The following JAKMIP2 variants were observed in gnomAD, a reference collection of about 807,000 sequenced individuals.
JAKMIP2 encodes the protein janus kinase and microtubule interacting protein 2, also known as janus kinase and microtubule-interacting protein 2.
A neutral mutation model predicts 115.0 loss-of-function variants in JAKMIP2; 25 were observed. That is an observed-to-expected ratio of 0.22 (90% CI 0.16 to 0.30). The LOEUF is 0.30. JAKMIP2 is among the 10% of genes least tolerant of loss of function. The pLI, the probability that JAKMIP2 is intolerant of heterozygous loss-of-function variation, is 1.00. For missense variants in JAKMIP2, 642 were observed against 957.6 expected (o/e 0.67, Z 4.35); for synonymous variants, 334 against 343.6 (o/e 0.97, Z 0.31).
intron 21 of JAKMIP2, among the ~76,000 whole-genome samples, chr5:147,600,710 C>A (rs1561839785): frequency 6.6e-6 from 1 of 151,966 alleles, no homozygotes; most frequent in Non-Finnish European, 1.5e-5. Flanking sequence ...TCTCTCCCAC[C>A]CTCTCTCTAT....
At chr5:147,619,131 T>C (rs2126648556) in intron 18 of JAKMIP2, among the ~76,000 whole-genome samples, 1 of 152,272 alleles carries the variant, frequency 6.6e-6, no homozygotes, top group Admixed American at 6.5e-5. Flanking sequence ...AAATCTACAA[T>C]CTTATCCCTT....
At chr5:147,702,227 C>A (rs567316221) in intron 1 of JAKMIP2, among the ~76,000 whole-genome samples, 8 of 148,094 alleles carry the variant, frequency 5.4e-5, no homozygotes, top group African/African-American at 2.0e-4. Context: ...AAGGGAAGAA[C>A]CAAAACAGAA....
intron 5 of JAKMIP2, among the ~76,000 whole-genome samples, chr5:147,646,112 T>C (rs1758120654): frequency 6.6e-6 from 1 of 152,232 alleles, no homozygotes; most frequent in Admixed American, 6.5e-5. Flanking sequence ...ACTACTGTTC[T>C]TGAGATTCTA....
chr5:147,742,271 G>C (rs1312137038), intron 1 of JAKMIP2, among the ~76,000 whole-genome samples: 3 of 151,358 alleles, frequency 2.0e-5, no homozygotes, highest in African/African-American at 7.3e-5. Flanking sequence ...AATCCCTGAT[G>C]CTTGTTTATT....
chr5:147,632,896 C>T, intron 12 of JAKMIP2, 118 bp from the exon 13 acceptor site: 1 of 631,852 alleles, frequency 1.6e-6, no homozygotes, highest in Non-Finnish European at 2.8e-6. Flanking sequence ...GAAAAAAAAT[C>T]CCCAAATAGA....
chr5:147,691,894 CCTT>C (rs138385180), intron 1 of JAKMIP2, among the ~76,000 whole-genome samples: 2,192 of 152,224 alleles, frequency 0.014, 61 homozygotes, highest in African/African-American at 0.051. Context: ...GTCTCTGTGT[CCTT>C]CTCTCAAGTC....
chr5:147,656,443 C>A (rs946242042), intron 3 of JAKMIP2, among the ~76,000 whole-genome samples: 1 of 152,082 alleles, frequency 6.6e-6, no homozygotes, highest in South Asian at 2.1e-4. Flanking sequence ...TTATGTAATG[C>A]CCTTCTTTGT....
chr5:147,625,306 G>A (rs1757046884), intron 16 of JAKMIP2, among the ~76,000 whole-genome samples: 1 of 152,096 alleles, frequency 6.6e-6, no homozygotes, highest in African/African-American at 2.4e-5. Flanking sequence ...TAGGTTACCT[G>A]TGATAAATTA....
intron 1 of JAKMIP2, among the ~76,000 whole-genome samples, chr5:147,681,909 G>C (rs1760302782): frequency 1.3e-5 from 2 of 152,022 alleles, no homozygotes. Context: ...CCGGCATAGT[G>C]GCAAATGCCT....
intron 1 of JAKMIP2, among the ~76,000 whole-genome samples, chr5:147,743,353 T>C (rs910741211): frequency 1.3e-5 from 2 of 152,336 alleles, no homozygotes; most frequent in East Asian, 3.9e-4. Context: ...TGATGGTACT[T>C]GAATAGTAGT....
chr5:147,639,829 T>C (rs1757795223), intron 9 of JAKMIP2, 69 bp from the exon 10 acceptor site: 1 of 1,554,094 alleles, frequency 6.4e-7, no homozygotes, highest in Admixed American at 1.9e-5. Context: ...ATGTGAAATA[T>C]TAACATTTGC....
chr5:147,724,624 T>C (rs1753445063), intron 1 of JAKMIP2, among the ~76,000 whole-genome samples: 1 of 152,186 alleles, frequency 6.6e-6, no homozygotes, highest in South Asian at 2.1e-4. Context: ...TTAACCAGGC[T>C]AATAGGAGGC....
intron 1 of JAKMIP2, among the ~76,000 whole-genome samples, chr5:147,764,227 T>C (rs541849232): frequency 6.6e-6 from 1 of 152,182 alleles, no homozygotes; most frequent in South Asian, 2.1e-4. Context: ...AGAAGGAGGA[T>C]TGCAGATATT....
intron 19 of JAKMIP2, among the ~76,000 whole-genome samples, chr5:147,616,568 A>G (rs1052343362): frequency 1.2e-4 from 19 of 152,230 alleles, no homozygotes; most frequent in Admixed American, 4.6e-4. Context: ...CAATTTGTTG[A>G]AAGTAATTAC....
At chr5:147,704,803 G>T (rs1752502679) in intron 1 of JAKMIP2, among the ~76,000 whole-genome samples, 1 of 152,126 alleles carries the variant, frequency 6.6e-6, no homozygotes, top group Non-Finnish European at 1.5e-5. Flanking sequence ...TTGCAGAAAG[G>T]CTCTATGGTG....
At chr5:147,634,614 C>T (rs1757522419) in intron 12 of JAKMIP2, among the ~76,000 whole-genome samples, 1 of 152,190 alleles carries the variant, frequency 6.6e-6, no homozygotes, top group Non-Finnish European at 1.5e-5. Flanking sequence ...GACTGTAATT[C>T]ATTCAATGCC....
At chr5:147,680,792 C>T (rs918257559) in intron 1 of JAKMIP2, among the ~76,000 whole-genome samples, 3 of 152,146 alleles carry the variant, frequency 2.0e-5, no homozygotes, top group African/African-American at 7.2e-5. Context: ...GAGAGGGCTG[C>T]TATTTAAGCC....
At chr5:147,741,000 G>A (rs1233295176) in intron 1 of JAKMIP2, among the ~76,000 whole-genome samples, 2 of 152,044 alleles carry the variant, frequency 1.3e-5, no homozygotes, top group African/African-American at 2.4e-5. Context: ...GACCACTATC[G>A]CCTCATATCA....
rs182482542 is a variant in JAKMIP2, at chr5:147,718,790, T to C, written c.-148-46836A>G. 5.4e-4 allele frequency among the ~76,000 whole-genome samples: 82 copies of C among 152,226 alleles called. 1 individual carries two copies. Among genetic ancestry groups the C allele is most frequent in the Admixed American group, 5.2e-3 (80 of 15,282 alleles). On this transcript the variant is annotated intron_variant, in intron 1 of 21. Coordinates refer to ENST00000616793, the MANE Select transcript of JAKMIP2 (RefSeq NM_001270941.2). The stretch of plus-strand genomic sequence containing the variant: ...TCTATCAATTTTGTTGATCCTTTCA[T>C]AAAACCAGCTCCTGGATTCATTTAT...
Sources: allele counts gnomAD v4.1 joint callset (sites outside exome capture counted in the v4.1 genomes callset), GRCh38; gene constraint gnomAD v4.1.1; transcripts MANE v1.5; gene names NCBI Gene and HGNC (gene_info 2026-07-23, HGNC 2026-07-21).